MTDH: variants seen among roughly 807,000 people sequenced by gnomAD.
MTDH encodes metadherin.
A neutral mutation model predicts 72.7 loss-of-function variants in MTDH; 34 were observed. The observed-to-expected ratio is 0.47, with a 90% CI of 0.36 to 0.62. The LOEUF is 0.62. MTDH is among the 20% of genes least tolerant of loss of function. MTDH has a pLI of 0.00. For synonymous variants in MTDH, 266 were observed against 268.9 expected, an observed-to-expected ratio of 0.99 and a Z score of 0.10; for missense variants, 677 against 699.4, an observed-to-expected ratio of 0.97 and a Z score of 0.36.
chr8:97,715,124 C>T (rs1814809021), intron 9 of MTDH, among the ~76,000 whole-genome samples: 1 of 150,804 alleles, frequency 6.6e-6, no homozygotes, highest in African/African-American at 2.4e-5. Flanking sequence ...CCACGCCCAG[C>T]CTTATTTATT....
chr8:97,645,008 C>G (rs1203609974), intron 1 of MTDH, 121 bp downstream of exon 1: 1 of 1,144,718 alleles, frequency 8.7e-7, no homozygotes, highest in Non-Finnish European at 1.2e-6. Context: ...AGCCGAGAGG[C>G]AGCACTCCCA....
Position 97,713,642 on chromosome 8 carries a change from AT to A in MTDH, c.1273-15del. The A allele has an allele frequency of 7.0e-7, 1 of 1,433,880 alleles. No homozygotes were observed. Among genetic ancestry groups the A allele is most frequent in the South Asian group, 1.3e-5 (1 of 79,122 alleles). 88.8% of individuals were successfully genotyped at this position (1,433,880 alleles called of 1,614,324 possible). On this transcript the variant is annotated intron_variant, in intron 8 of 11. Transcript: ENST00000336273. ...ACATAACCATTTGGTTCTCTTTAAT[AT>A]TTTTGCTTTTAACCTAAGGTCTCAG...
At chr8:97,649,250 C>G (rs1001202062) in intron 1 of MTDH, among the ~76,000 whole-genome samples, 2 of 152,164 alleles carry the variant, frequency 1.3e-5, no homozygotes, top group Non-Finnish European at 2.9e-5. Flanking sequence ...TACTTCTGTT[C>G]CAGTTTCACT....
intron 1 of MTDH, among the ~76,000 whole-genome samples, chr8:97,648,358 C>G (rs1811640762): frequency 6.6e-6 from 1 of 151,870 alleles, no homozygotes; most frequent in Admixed American, 6.6e-5. Flanking sequence ...AATGGGCACT[C>G]AAGTATTTTT....
At chr8:97,674,025 A>G (rs930715941) in intron 2 of MTDH, among the ~76,000 whole-genome samples, 2 of 152,002 alleles carry the variant, frequency 1.3e-5, no homozygotes, top group Non-Finnish European at 2.9e-5. Flanking sequence ...GCATGGTGGC[A>G]TGCACCTGTA....
chr8:97,701,605 T>A (rs1814134275), intron 7 of MTDH, among the ~76,000 whole-genome samples: 2 of 152,160 alleles, frequency 1.3e-5, no homozygotes, highest in South Asian at 4.1e-4. Context: ...AGTATATTTG[T>A]GCTTTAGGAA....
intron 7 of MTDH, 26 bp downstream of exon 7, chr8:97,699,878 TA>T (rs762622544): frequency 7.3e-6 from 11 of 1,503,052 alleles, no homozygotes; most frequent in Middle Eastern, 1.7e-4. Context: ...AATTATCAGT[TA>T]TTTTTTTTCA....
intron 2 of MTDH, among the ~76,000 whole-genome samples, chr8:97,662,743 G>A (rs1812221477): frequency 1.3e-5 from 2 of 151,362 alleles, no homozygotes; most frequent in South Asian, 2.1e-4. Context: ...CAGGGATTGC[G>A]CCACTGCACT....
chr8:97,653,125 G>GA (rs553276689), intron 1 of MTDH, among the ~76,000 whole-genome samples: 146 of 95,838 alleles, frequency 1.5e-3, no homozygotes, highest in South Asian at 3.7e-3. Flanking sequence ...CTCAAAAAAA[G>GA]AAAAAAAAAA....
intron 7 of MTDH, among the ~76,000 whole-genome samples, chr8:97,705,647 AG>A (rs1285928463): frequency 1.9e-4 from 29 of 152,318 alleles, no homozygotes; most frequent in African/African-American, 6.5e-4. Context: ...GAGTAGCATT[AG>A]GTATTAGTGG....
At position 97,724,638 on chromosome 8, in the gene MTDH, A is replaced by G; in HGVS notation, c.1717A>G (p.Lys573Glu). The G allele has an allele frequency of 1.3e-6, 2 of 1,594,052 alleles. No individual in the cohort carries two copies. Among genetic ancestry groups the G allele is most frequent in the South Asian group, 1.2e-5 (1 of 86,034 alleles). ...TAGCTGGGAATCTCCCAAACAAATA[A>G]AAAAGAAGAAAAAAGCCAGACGAGA... Reference protein sequence around the residue: ...ETSWESPKQIKKKKKARRET With the variant: ...ETSWESPKQIEKKKKARRET The change falls in exon 12 of 12, where the codon AAA (lysine) becomes GAA (glutamate). Residue 573 changes from lysine to glutamate, a missense_variant. This residue lies in a region of MTDH where 201 missense variants were observed against 204.5 expected (regional missense o/e 0.98). Transcript: ENST00000336273.
Position 97,663,007 on chromosome 8 carries a change from G to T in MTDH, c.483+1834G>T, listed in dbSNP as rs185487374. Among the ~76,000 whole-genome samples the T allele has an allele frequency of 3.5e-3, 528 of 152,206 alleles. 3 individuals carry two copies. Among genetic ancestry groups the T allele is most frequent in the Non-Finnish European group, 6.5e-3 (441 of 67,978 alleles). ...GTCTTTGGCAGAAAAGTAATGACTT[G>T]TGTTAACAAGTAAGCATGTAACATA... is the stretch of plus-strand genomic sequence containing the variant. On this transcript the variant is annotated intron_variant, in intron 2 of 11. Transcript: ENST00000336273.
chr8:97,652,946 C>T (rs974951286), intron 1 of MTDH, among the ~76,000 whole-genome samples: 1 of 151,836 alleles, frequency 6.6e-6, no homozygotes, highest in African/African-American at 2.4e-5. Flanking sequence ...TGGTGAAACC[C>T]CATCTCTACT....
chr8:97,673,976 A>G lies in MTDH; in HGVS notation c.484-12692A>G, dbSNP rs190812956. On this transcript the variant is annotated intron_variant, in intron 2 of 11. Coordinates refer to ENST00000336273, the MANE Select transcript of MTDH (RefSeq NM_178812.4). ...GTCAACAGAGCGAAACCCTATCTCA[A>G]AAATCAGTTAATCAAAAAAAATTTT... Among the ~76,000 whole-genome samples the G allele has an allele frequency of 1.7e-4, 26 of 152,078 alleles. No homozygotes were observed. In the East Asian group the frequency reaches 4.5e-3, roughly 26 times the overall value.
intron 7 of MTDH, among the ~76,000 whole-genome samples, chr8:97,706,093 A>T (rs1440976394): frequency 6.6e-6 from 1 of 152,212 alleles, no homozygotes; most frequent in Admixed American, 6.5e-5. Flanking sequence ...TTAAGTATTT[A>T]AAAAGGGGGA....
chr8:97,669,958 C>T (rs1177226696), intron 2 of MTDH, among the ~76,000 whole-genome samples: 2 of 151,032 alleles, frequency 1.3e-5, no homozygotes, highest in Non-Finnish European at 2.9e-5. Flanking sequence ...TTTCTACTTG[C>T]GTTTCTGTGT....
chr8:97,723,210 A>G (rs1586290630), intron 11 of MTDH, among the ~76,000 whole-genome samples, 175 bp downstream of exon 11: 1 of 151,792 alleles, frequency 6.6e-6, no homozygotes, highest in East Asian at 2.0e-4. Flanking sequence ...CATCCTGGCT[A>G]ACATGGTGAA....
chr8:97,684,826 T>C (rs1219648122), intron 2 of MTDH, among the ~76,000 whole-genome samples: 4 of 152,160 alleles, frequency 2.6e-5, no homozygotes, highest in Non-Finnish European at 5.9e-5. Context: ...TCCCAACACT[T>C]TGGGAGGCCA....
intron 6 of MTDH, among the ~76,000 whole-genome samples, chr8:97,699,198 G>A (rs1316364370): frequency 6.6e-6 from 1 of 152,134 alleles, no homozygotes; most frequent in African/African-American, 2.4e-5. Context: ...TGAGGTAGGT[G>A]AATTGCTTGA....
Sources: allele counts gnomAD v4.1 joint callset (sites outside exome capture counted in the v4.1 genomes callset), GRCh38; gene constraint gnomAD v4.1.1; regional missense constraint gnomAD v4.1.1; transcripts MANE v1.5; gene names NCBI Gene and HGNC (gene_info 2026-07-23, HGNC 2026-07-21).